The following BAIAP2 variants were observed in gnomAD, a reference collection of about 807,000 sequenced individuals.
The protein encoded by BAIAP2 is BAR/IMD domain containing adaptor protein 2.
BAIAP2 carries 18 observed loss-of-function variants against 63.0 expected under a neutral mutation model. The observed-to-expected ratio is 0.29, with a 90% CI of 0.20 to 0.42. The LOEUF is 0.42. BAIAP2 is among the 10% of genes least tolerant of loss of function. The pLI, the probability that BAIAP2 is intolerant of heterozygous loss-of-function variation, is 1.00. For synonymous variants in BAIAP2, 386 were observed against 307.6 expected, an observed-to-expected ratio of 1.25 and a Z score of -2.67; for missense variants, 610 against 734.3, an observed-to-expected ratio of 0.83 and a Z score of 1.96.
intron 6 of BAIAP2, among the ~76,000 whole-genome samples, chr17:81,098,710 C>G (rs1326932475): frequency 2.6e-5 from 4 of 152,320 alleles, no homozygotes; most frequent in African/African-American, 9.6e-5. Flanking sequence ...TTGCTGGAAC[C>G]CTTTCTGGGC....
chr17:81,089,264 C>T (rs2056294712), intron 6 of BAIAP2, among the ~76,000 whole-genome samples: 1 of 152,168 alleles, frequency 6.6e-6, no homozygotes. Flanking sequence ...AGGCAGGTCC[C>T]ATCTGTTCTT....
rs771187979 is a variant in BAIAP2, at chr17:81,104,565, G to A, written c.1118G>A (p.Arg373His). ...AGCTCCATGGCAGCCGGCCTGGAGC[G>A]CAATGGCCGTATGCGGGTGAAGGCC... is the stretch of plus-strand genomic sequence containing the variant. ...RSSSMAAGLE[R>H]NGRMRVKAIF... The change falls in exon 10 of 14, where the codon CGC becomes CAC. Residue 373 changes from arginine (R) to histidine (H), a missense_variant. Around this residue, in one of 5 missense-constraint regions of BAIAP2, gnomAD observed 67 missense variants for 132.0 expected, o/e 0.51. Coordinates refer to ENST00000428708, the MANE Select transcript of BAIAP2 (RefSeq NM_001144888.2). 8 of 1,611,492 alleles carry A rather than the reference G, an allele frequency of 5.0e-6. No homozygotes were observed. The highest frequency in any genetic ancestry group is 1.7e-5 in the Admixed American group (1 of 60,020).
In BAIAP2 at chr17:81,113,364, C is replaced by T. The variant is rs898772635; in HGVS notation, c.1536-2406C>T. 3.9e-5 allele frequency among the ~76,000 whole-genome samples: 6 copies of T among 152,218 alleles called. No individual in the cohort carries two copies. The South Asian group carries it at 6.2e-4, about 16-fold the overall frequency. On this transcript the variant is annotated intron_variant, in intron 13 of 13. Transcript: ENST00000428708. ...GAGGTGGGGCCTGGCACGTGTCCTC[C>T]GGCAGGGACCAATGTCTGTGGCTAA...
rs948520770 is a variant in BAIAP2, at chr17:81,071,335, C to T, written c.217+13368C>T. Among the ~76,000 whole-genome samples the T allele has an allele frequency of 2.0e-5, 3 of 152,166 alleles. 1 individual carries two copies. The South Asian group carries it at 6.2e-4, about 32-fold the overall frequency. On this transcript the variant is annotated intron_variant, in intron 3 of 13. Coordinates refer to ENST00000428708, the MANE Select transcript of BAIAP2 (RefSeq NM_001144888.2). ...GATAGCAAGATGTCCTGTCAGCCCCCTGGCCATCTGTCCTTCCCCGTGATG... is the reference window on the plus strand; with the variant it reads ...GATAGCAAGATGTCCTGTCAGCCCCTTGGCCATCTGTCCTTCCCCGTGATG...
intron 3 of BAIAP2, among the ~76,000 whole-genome samples, chr17:81,058,874 G>C (rs1007485475): frequency 6.6e-6 from 1 of 152,162 alleles, no homozygotes; most frequent in Non-Finnish European, 1.5e-5. Flanking sequence ...GGGACTGAAA[G>C]CCCCCTTGAC....
At chr17:81,091,326 C>A (rs1480398204) in intron 6 of BAIAP2, among the ~76,000 whole-genome samples, 1 of 151,984 alleles carries the variant, frequency 6.6e-6, no homozygotes, top group East Asian at 1.9e-4. Context: ...TGGAAGTACT[C>A]TTGGGGGAAG....
chr17:81,109,782 G>A (rs2059678341), intron 13 of BAIAP2: 33 of 985,324 alleles, frequency 3.3e-5, no homozygotes, highest in Non-Finnish European at 3.9e-5. Context: ...GGCCGCACAC[G>A]GACATTCCAA....
chr17:81,035,699 G>C (rs967731318), intron 1 of BAIAP2, among the ~76,000 whole-genome samples: 1 of 151,876 alleles, frequency 6.6e-6, no homozygotes, highest in Admixed American at 6.5e-5. Context: ...AGCACACCCG[G>C]GCAGGGCCGG....
At chr17:81,109,197 C>T (rs749815061) in intron 13 of BAIAP2, 5 of 1,407,246 alleles carry the variant, frequency 3.6e-6, no homozygotes, top group Non-Finnish European at 4.6e-6. Flanking sequence ...CCCCCCTCCC[C>T]TGTGTTTACG....
intron 3 of BAIAP2, among the ~76,000 whole-genome samples, chr17:81,073,177 T>G (rs1197475861): frequency 2.0e-5 from 3 of 152,080 alleles, no homozygotes; most frequent in Admixed American, 6.5e-5. Flanking sequence ...ATGCCAGGGC[T>G]CAGCACCCCT....
intron 6 of BAIAP2, among the ~76,000 whole-genome samples, chr17:81,089,503 G>A (rs769944467): frequency 2.2e-4 from 33 of 152,228 alleles, no homozygotes; most frequent in Admixed American, 5.9e-4. Context: ...GGCTGGGCCC[G>A]TCCTGGGGCC....
At chr17:81,076,579 G>A (rs2053696079) in intron 3 of BAIAP2, 1 of 152,246 alleles carries the variant, frequency 6.6e-6, no homozygotes, top group African/African-American at 2.4e-5. Flanking sequence ...GCTTCTGAAA[G>A]AGCTGTTCTT....
chr17:81,065,134 TGGGTTGACTGGCAGCTC>T (rs1255352441), intron 3 of BAIAP2, among the ~76,000 whole-genome samples: 3 of 152,158 alleles, frequency 2.0e-5, no homozygotes, highest in African/African-American at 7.2e-5. Flanking sequence ...GCTTTGTGCT[TGGGTTGACTGGCAGCTC>T]GGGGAGACTG....
chr17:81,068,292 C>T (rs1383972308), intron 3 of BAIAP2, among the ~76,000 whole-genome samples: 1 of 152,222 alleles, frequency 6.6e-6, no homozygotes, highest in Non-Finnish European at 1.5e-5. Flanking sequence ...AATCAGTGAG[C>T]ACAGATAGGC....
At chr17:81,100,761 C>A (rs955767963) in intron 7 of BAIAP2, among the ~76,000 whole-genome samples, 1 of 152,178 alleles carries the variant, frequency 6.6e-6, no homozygotes, top group African/African-American at 2.4e-5. Context: ...GGGGCCCTGC[C>A]TGGCTCTCAG....
At chr17:81,081,769 T>C (rs920815221) in intron 3 of BAIAP2, among the ~76,000 whole-genome samples, 1 of 152,128 alleles carries the variant, frequency 6.6e-6, no homozygotes, top group African/African-American at 2.4e-5. Flanking sequence ...AGGTCTCGAC[T>C]TCATCCCGAC....
At chr17:81,110,450 T>C in intron 13 of BAIAP2, 1 of 995,968 alleles carries the variant, frequency 1.0e-6, no homozygotes, top group Non-Finnish European at 1.2e-6. Context: ...TCCTTTTTTT[T>C]AAAAAATCTG....
At chr17:81,050,299 G>T (rs772974492) in intron 1 of BAIAP2, among the ~76,000 whole-genome samples, 1 of 152,218 alleles carries the variant, frequency 6.6e-6, no homozygotes, top group Non-Finnish European at 1.5e-5. Flanking sequence ...TGTCCCGGCC[G>T]CCGCCCCTCT....
rs978471733 is a variant in BAIAP2, at chr17:81,103,431, C to T, written c.643-71C>T. On this transcript the variant is annotated intron_variant, in intron 7 of 13. Coordinates refer to ENST00000428708, the MANE Select transcript of BAIAP2 (RefSeq NM_001144888.2). ...CCCCAGAGAGTGCTCAGGGAGGGCCCTCAGCGCTGTGCCTGGCTGCAGGAG... is the reference window on the plus strand; with the variant it reads ...CCCCAGAGAGTGCTCAGGGAGGGCCTTCAGCGCTGTGCCTGGCTGCAGGAG... The T allele has an allele frequency of 6.3e-6, 9 of 1,425,736 alleles. No individual in the cohort carries two copies. In the Admixed American group the frequency reaches 1.2e-4, roughly 19 times the overall value. The allele number at this position is 1,425,736 out of a possible 1,614,324, so 88.3% of individuals were successfully genotyped here.
Sources: gnomAD v4.1 joint callset for allele counts (sites outside exome capture counted in the v4.1 genomes callset) on GRCh38, gnomAD v4.1.1 for gene constraint, gnomAD v4.1.1 regional missense constraint, MANE v1.5 for transcripts, NCBI Gene and HGNC (gene_info 2026-07-23, HGNC 2026-07-21) for gene names.